NPAS3: variants seen among roughly 807,000 people sequenced by gnomAD.
NPAS3 encodes neuronal PAS domain protein 3.
A neutral mutation model predicts 73.1 loss-of-function variants in NPAS3; 14 were observed. That is an observed-to-expected ratio of 0.19 (90% CI 0.13 to 0.30). The LOEUF is 0.30. Ranked by LOEUF, NPAS3 falls within the 10% of genes least tolerant of loss-of-function variation. The probability of loss-of-function intolerance (pLI) is 1.00; values close to 1 mark genes in which losing one functional copy is unlikely to be tolerated. For missense variants in NPAS3, 1,096 were observed against 1,250.0 expected (o/e 0.88, Z 1.86); for synonymous variants, 620 against 541.5 (o/e 1.14, Z -2.01).
At chr14:33,610,885 G>A (rs2057727540) in intron 5 of NPAS3, 1 of 152,198 alleles carries the variant, frequency 6.6e-6, no homozygotes, top group South Asian at 2.1e-4. Context: ...TAAAAACTTT[G>A]CCCGAGAATT....
intron 9 of NPAS3, among the ~76,000 whole-genome samples, chr14:33,789,636 T>A (rs530826608): frequency 6.0e-4 from 77 of 127,574 alleles, no homozygotes; most frequent in Non-Finnish European, 9.7e-4. Context: ...TCGCCCAGGC[T>A]GGAGTGCAGT....
chr14:33,412,105 T>A (rs1412725756), intron 4 of NPAS3, among the ~76,000 whole-genome samples: 1 of 151,536 alleles, frequency 6.6e-6, no homozygotes, highest in Non-Finnish European at 1.5e-5. Flanking sequence ...TTACCTAACA[T>A]TGAAATATGC....
intron 2 of NPAS3, among the ~76,000 whole-genome samples, chr14:33,088,376 C>T (rs867118066): frequency 6.6e-6 from 1 of 152,214 alleles, no homozygotes; most frequent in African/African-American, 2.4e-5. Flanking sequence ...GCAAACAGCA[C>T]ACCAGGAGAT....
intron 2 of NPAS3, among the ~76,000 whole-genome samples, chr14:33,193,424 G>C (rs1267749480): frequency 6.6e-6 from 1 of 151,672 alleles, no homozygotes; most frequent in Non-Finnish European, 1.5e-5. Context: ...TACTCAGATG[G>C]GGGCAGCAAC....
chr14:33,329,423 A>T (rs916020282), intron 3 of NPAS3, among the ~76,000 whole-genome samples: 19 of 152,310 alleles, frequency 1.2e-4, no homozygotes, highest in African/African-American at 4.1e-4. Context: ...ACTGGGTGGC[A>T]GTGAAAGCCT....
upstream of NPAS3, among the ~76,000 whole-genome samples, chr14:32,936,347 G>C (rs533469907): frequency 1.4e-4 from 21 of 151,944 alleles, no homozygotes; most frequent in Admixed American, 1.1e-3. Flanking sequence ...ACTCAAAAAG[G>C]GGCTATTCCT....
At chr14:33,739,988 T>C (rs1566487156) in intron 7 of NPAS3, among the ~76,000 whole-genome samples, 1 of 152,172 alleles carries the variant, frequency 6.6e-6, no homozygotes, top group African/African-American at 2.4e-5. Context: ...CTAATGCATA[T>C]AAGTAAAGTT....
intron 4 of NPAS3, among the ~76,000 whole-genome samples, chr14:33,410,362 A>G (rs945654337): frequency 6.6e-6 from 1 of 152,136 alleles, no homozygotes; most frequent in Non-Finnish European, 1.5e-5. Flanking sequence ...CTGTCAGAGT[A>G]TTTCAGGCTC....
intron 2 of NPAS3, among the ~76,000 whole-genome samples, chr14:33,128,307 G>A (rs2043506870): frequency 6.6e-6 from 1 of 152,152 alleles, no homozygotes; most frequent in Non-Finnish European, 1.5e-5. Context: ...ATAAATGTAT[G>A]TAGGATCTGT....
intron 4 of NPAS3, among the ~76,000 whole-genome samples, chr14:33,522,166 A>G (rs1379520496): frequency 6.6e-6 from 1 of 152,234 alleles, no homozygotes; most frequent in African/African-American, 2.4e-5. Flanking sequence ...AAAAATCCAT[A>G]AACGTATAGG....
intron 3 of NPAS3, among the ~76,000 whole-genome samples, chr14:33,321,785 T>A (rs751509113): frequency 1.3e-5 from 2 of 152,126 alleles, no homozygotes; most frequent in Non-Finnish European, 2.9e-5. Context: ...TTATTTTATT[T>A]AGGTGTTTTT....
chr14:32,940,387 C>A (rs1284237329), intron 1 of NPAS3, among the ~76,000 whole-genome samples: 1 of 152,214 alleles, frequency 6.6e-6, no homozygotes, highest in East Asian at 1.9e-4. Flanking sequence ...CGTGGTTTTC[C>A]CTCCTGCTGT....
chr14:33,084,274 T>C (rs1438367375), intron 2 of NPAS3, among the ~76,000 whole-genome samples: 2 of 152,196 alleles, frequency 1.3e-5, no homozygotes, highest in Non-Finnish European at 2.9e-5. Context: ...TACATAGCTA[T>C]GAGATAATCT....
intron 3 of NPAS3, among the ~76,000 whole-genome samples, chr14:33,233,498 G>A (rs544630959): frequency 3.9e-5 from 6 of 152,160 alleles, no homozygotes; most frequent in East Asian, 1.9e-4. Context: ...TAATGTCACC[G>A]TTTAGTTACA....
chr14:33,189,965 G>T (rs2046112157), intron 2 of NPAS3, among the ~76,000 whole-genome samples: 1 of 152,102 alleles, frequency 6.6e-6, no homozygotes, highest in Non-Finnish European at 1.5e-5. Flanking sequence ...TCGGATGAGG[G>T]ATTTGCCTCC....
intron 2 of NPAS3, among the ~76,000 whole-genome samples, chr14:33,159,410 T>C (rs2044767209): frequency 6.6e-6 from 1 of 152,142 alleles, no homozygotes; most frequent in African/African-American, 2.4e-5. Context: ...TAAAACGTTT[T>C]CTTGTAGAAT....
intron 2 of NPAS3, among the ~76,000 whole-genome samples, chr14:33,058,533 G>A (rs2040974474): frequency 6.6e-6 from 1 of 152,128 alleles, no homozygotes; most frequent in Non-Finnish European, 1.5e-5. Flanking sequence ...AATCTTCAAT[G>A]AGCTTATAGT....
chr14:33,797,096 G>A (rs186010223), intron 10 of NPAS3, among the ~76,000 whole-genome samples: 6 of 152,262 alleles, frequency 3.9e-5, no homozygotes, highest in South Asian at 4.1e-4. Context: ...GAGAAGACAC[G>A]ACACACCAGG....
intron 2 of NPAS3, among the ~76,000 whole-genome samples, chr14:33,071,465 G>A (rs563882273): frequency 5.3e-5 from 8 of 152,200 alleles, no homozygotes; most frequent in South Asian, 2.1e-4. Context: ...TAATCATACC[G>A]AGCTATAGAA....
Sources: gnomAD v4.1 joint callset for allele counts (sites outside exome capture counted in the v4.1 genomes callset) on GRCh38, gnomAD v4.1.1 for gene constraint, MANE v1.5 for transcripts, NCBI Gene and HGNC (gene_info 2026-07-23, HGNC 2026-07-21) for gene names.